Variants in FUT8 observed in about 807,000 individuals in gnomAD.
FUT8 encodes the protein fucosyltransferase 8.
In FUT8, 29 loss-of-function variants were observed where a neutral mutation model predicts 71.3. The observed-to-expected ratio is 0.41, with a 90% CI of 0.30 to 0.55. The LOEUF (loss-of-function observed/expected upper bound fraction) is 0.55, where lower values mean the gene tolerates loss of function less well. Ranked by LOEUF, FUT8 falls within the 20% of genes least tolerant of loss-of-function variation. The pLI is 0.34. For missense variants in FUT8, 544 were observed against 702.1 expected, an observed-to-expected ratio of 0.77 and a Z score of 2.55; for synonymous variants, 254 against 239.3, an observed-to-expected ratio of 1.06 and a Z score of -0.57.
chr14:65,488,242 A>C (rs1303915789), intron 2 of FUT8: 1 of 152,262 alleles, frequency 6.6e-6, no homozygotes, highest in East Asian at 1.9e-4. Context: ...AGGGTTTTGC[A>C]GCAGCTATTT....
intron 7 of FUT8, among the ~76,000 whole-genome samples, chr14:65,695,020 G>A (rs1010480664): frequency 2.0e-5 from 3 of 152,054 alleles, no homozygotes; most frequent in Non-Finnish European, 4.4e-5. Context: ...TTGTGCACAT[G>A]TACCCTAAAA....
rs143783144 is a variant in FUT8 at position 65,724,147 on chromosome 14, A to G, written c.1083A>G (p.Gly361=). The change falls in exon 9 of 11, where the codon GGA becomes GGG. Residue 361 remains glycine, a splice_region_variant and synonymous_variant. Coordinates refer to ENST00000673929, the MANE Select transcript of FUT8 (RefSeq NM_001371533.1). The part of the protein sequence containing the change: ...KKLGFKHPVI[G]VHVRRTDKVG... ...AGTAGAATCTGAATTTCTCCCCCAG[A>G]GTCCATGTCAGACGCACAGACAAAG... The G allele has an allele frequency of 1.6e-5, 25 of 1,571,392 alleles. No homozygotes were observed. The highest frequency in any genetic ancestry group is 2.0e-5 in the Non-Finnish European group (23 of 1,161,318).
the FUT8 span, among the ~76,000 whole-genome samples, chr14:65,385,159 A>G: frequency 6.6e-6 from 1 of 152,044 alleles, no homozygotes; most frequent in African/African-American, 2.4e-5. Flanking sequence ...TCGGTCTCCC[A>G]AAGTGCTGAG....
chr14:65,548,715 G>A (rs182509833), intron 2 of FUT8, among the ~76,000 whole-genome samples: 13 of 152,012 alleles, frequency 8.6e-5, no homozygotes, highest in Middle Eastern at 3.4e-3. Flanking sequence ...AAGAAAAGAA[G>A]TCAGTATATT....
intron 3 of FUT8, among the ~76,000 whole-genome samples, chr14:65,583,445 T>A (rs1887194639): frequency 6.6e-6 from 1 of 152,196 alleles, no homozygotes; most frequent in Non-Finnish European, 1.5e-5. Context: ...ATTTTGCATT[T>A]TCATGTCATT....
At chr14:65,633,871 C>G (rs562925347) in intron 6 of FUT8, among the ~76,000 whole-genome samples, 4 of 151,294 alleles carry the variant, frequency 2.6e-5, no homozygotes, top group African/African-American at 9.7e-5. Flanking sequence ...CCCACTCGGC[C>G]AGCTGCCCTG....
At chr14:65,682,081 G>A (rs1338709853) in intron 7 of FUT8, among the ~76,000 whole-genome samples, 1 of 152,214 alleles carries the variant, frequency 6.6e-6, no homozygotes, top group Admixed American at 6.5e-5. Flanking sequence ...CCAGCCTAAA[G>A]ATGGTTAAAG....
At chr14:65,658,400 A>G (rs1010978911) in intron 6 of FUT8, among the ~76,000 whole-genome samples, 3 of 152,150 alleles carry the variant, frequency 2.0e-5, no homozygotes, top group Non-Finnish European at 4.4e-5. Context: ...TAAACATACC[A>G]TTACCAATAT....
At chr14:65,416,464 C>G (rs1443450878) in intron 1 of FUT8, among the ~76,000 whole-genome samples, 1 of 151,952 alleles carries the variant, frequency 6.6e-6, no homozygotes, top group East Asian at 1.9e-4. Context: ...TATTATAGTA[C>G]TTTTGTACCC....
rs1330796381 is a variant in FUT8 at position 65,631,791 on chromosome 14, GCCCATCA to G, written c.597+2188_597+2194del. Among the ~76,000 whole-genome samples, 8 of 152,088 alleles carry G rather than the reference GCCCATCA, an allele frequency of 5.3e-5. No homozygotes were observed. The South Asian group carries it at 1.7e-3, about 32-fold the overall frequency. On this transcript the variant is annotated intron_variant, in intron 6 of 10. Transcript: ENST00000673929. The stretch of plus-strand genomic sequence containing the variant: ...GTGGTGCTTGGTGAGATTTCTGTGT[GCCCATCA>G]CCTGAGCAGTATACACTGCACCCTA...
At chr14:65,642,675 A>G (rs576786975) in intron 6 of FUT8, among the ~76,000 whole-genome samples, 1 of 151,420 alleles carries the variant, frequency 6.6e-6, no homozygotes, top group Admixed American at 6.6e-5. Context: ...TGTTAGTACC[A>G]CACTGTCTTG....
At chr14:65,363,672 A>ATC in the FUT8 span, among the ~76,000 whole-genome samples, 1 of 152,328 alleles carries the variant, frequency 6.6e-6, no homozygotes, top group South Asian at 2.1e-4. Context: ...AGGGACACAG[A>ATC]GAAGAATCTG....
At chr14:65,448,637 C>T (rs1222017514) in intron 1 of FUT8, among the ~76,000 whole-genome samples, 1 of 152,028 alleles carries the variant, frequency 6.6e-6, no homozygotes, top group Non-Finnish European at 1.5e-5. Flanking sequence ...TAACCACAGG[C>T]TCTGTTCTCA....
At chr14:65,655,336 C>G (rs1296485672) in intron 6 of FUT8, among the ~76,000 whole-genome samples, 1 of 151,646 alleles carries the variant, frequency 6.6e-6, no homozygotes, top group Non-Finnish European at 1.5e-5. Context: ...AATTAGCTGG[C>G]ATGGTGGTGG....
intron 2 of FUT8, among the ~76,000 whole-genome samples, chr14:65,519,087 G>A (rs1882909238): frequency 6.6e-6 from 1 of 152,144 alleles, no homozygotes; most frequent in African/African-American, 2.4e-5. Flanking sequence ...ACAGTGAATG[G>A]CATGTAATAG....
At chr14:65,581,816 G>A (rs1439257628) in intron 3 of FUT8, among the ~76,000 whole-genome samples, 2 of 151,680 alleles carry the variant, frequency 1.3e-5, no homozygotes, top group African/African-American at 2.4e-5. Context: ...TTTCTTCCTC[G>A]AATGATGCCA....
At chr14:65,540,155 T>C (rs1884589694) in intron 2 of FUT8, among the ~76,000 whole-genome samples, 1 of 152,200 alleles carries the variant, frequency 6.6e-6, no homozygotes, top group African/African-American at 2.4e-5. Flanking sequence ...ATAAAACTTT[T>C]CTCAACATCA....
At chr14:65,724,344 A>G (rs747185834) in intron 9 of FUT8, 21 bp downstream of exon 9, 3 of 1,498,516 alleles carry the variant, frequency 2.0e-6, no homozygotes, top group African/African-American at 1.4e-5. Context: ...CCAACTAGTG[A>G]TTCTAGAGTG....
rs200756618 is a variant in FUT8, at chr14:65,603,700, TA to T, written c.204-12269del. On this transcript the variant is annotated intron_variant, in intron 3 of 10. Transcript: ENST00000673929. This position sits in a 1 kb window ranked among gnomAD's most constrained non-coding sequence, Gnocchi z 4.5. The stretch of plus-strand genomic sequence containing the variant: ...TCTTTTCAAAAGAACAAAAATACAC[TA>T]AAAAAAAATCCAAGGTATACAGGCA... Among the ~76,000 whole-genome samples the T allele has an allele frequency of 3.2e-4, 48 of 150,938 alleles. No homozygotes were observed. Among genetic ancestry groups the T allele is most frequent in the African/African-American group, 9.9e-4 (41 of 41,236 alleles).
Sources: allele counts gnomAD v4.1 joint callset (sites outside exome capture counted in the v4.1 genomes callset), GRCh38; gene constraint gnomAD v4.1.1; non-coding constraint Gnocchi (gnomAD v3.1); transcripts MANE v1.5; gene names NCBI Gene and HGNC (gene_info 2026-07-23, HGNC 2026-07-21).